MDGA2: variants seen among roughly 807,000 people sequenced by gnomAD.
MDGA2 encodes MAM domain-containing glycosylphosphatidylinositol anchor protein 2.
Under a neutral mutation model 117.8 loss-of-function variants are expected in MDGA2, and 40 were observed. The observed-to-expected ratio is 0.34, with a 90% CI of 0.26 to 0.44. The LOEUF is 0.44. Among genes scored for constraint, MDGA2 ranks in the 20% least tolerant of loss-of-function variants. The pLI is 1.00. For missense variants in MDGA2, 1,123 were observed against 1,250.6 expected, an observed-to-expected ratio of 0.90 and a Z score of 1.54; for synonymous variants, 452 against 439.0, an observed-to-expected ratio of 1.03 and a Z score of -0.37.
At chr14:47,195,333 T>G (rs1233876965) in intron 3 of MDGA2, among the ~76,000 whole-genome samples, 2 of 151,960 alleles carry the variant, frequency 1.3e-5, no homozygotes, top group African/African-American at 4.8e-5. Flanking sequence ...ATAGAGAAAA[T>G]ATTCTCAAAT....
At position 47,361,231 on chromosome 14, in the gene MDGA2, C is replaced by G. The variant is rs555325279; in HGVS notation, c.281-59681G>C. Among the ~76,000 whole-genome samples, 423 of 86,300 alleles carry G rather than the reference C, an allele frequency of 4.9e-3. 4 individuals are homozygous for G. Among genetic ancestry groups the G allele is most frequent in the Middle Eastern group, 0.023 (4 of 176 alleles). The allele number at this position is 86,300 out of a possible 152,430, so 56.6% of individuals were successfully genotyped here. ...TCTATATATATATATATATATATGGCAGTAGTAATTACAACACACAAATAA... is the reference window on the plus strand; with the variant it reads ...TCTATATATATATATATATATATGGGAGTAGTAATTACAACACACAAATAA... On this transcript the variant is annotated intron_variant, in intron 1 of 16. Transcript: ENST00000399232.
At chr14:47,389,457 T>G (rs1891838799) in intron 1 of MDGA2, among the ~76,000 whole-genome samples, 1 of 152,190 alleles carries the variant, frequency 6.6e-6, no homozygotes, top group Non-Finnish European at 1.5e-5. Context: ...ACATGTAGAA[T>G]ACTTATTTTT....
chr14:46,855,942 CATT>C lies in MDGA2; in HGVS notation c.2753-791_2753-789del, dbSNP rs1438303004. On this transcript the variant is annotated intron_variant, in intron 14 of 16. Coordinates refer to ENST00000399232, the MANE Select transcript of MDGA2 (RefSeq NM_001113498.3). The surrounding 1 kb of genome is among the most constrained non-coding windows in gnomAD (Gnocchi z 4.1). Reference sequence around the variant, plus strand: ...AATAAAATGAAGATAGCTTTTATCTCATTATTTGATATCTCTCTTTCAATAGTT... The same window carrying C: ...AATAAAATGAAGATAGCTTTTATCTCATTTGATATCTCTCTTTCAATAGTT... Among the ~76,000 whole-genome samples the C allele has an allele frequency of 2.0e-5, 3 of 151,970 alleles. No homozygotes were observed. Among genetic ancestry groups the C allele is most frequent in the Non-Finnish European group, 2.9e-5 (2 of 67,966 alleles).
At chr14:47,084,966 T>C (rs1251104614) in intron 6 of MDGA2, among the ~76,000 whole-genome samples, 1 of 151,892 alleles carries the variant, frequency 6.6e-6, no homozygotes, top group African/African-American at 2.4e-5. Flanking sequence ...TAAATTCTGA[T>C]CAAAATGAAA....
At chr14:47,425,302 T>C (rs1036646542) in intron 1 of MDGA2, among the ~76,000 whole-genome samples, 6 of 152,156 alleles carry the variant, frequency 3.9e-5, no homozygotes, top group Non-Finnish European at 8.8e-5. Flanking sequence ...TAAATATTAG[T>C]GCACACATCG....
intron 1 of MDGA2, among the ~76,000 whole-genome samples, chr14:47,378,201 C>A (rs2138410391): frequency 1.3e-5 from 2 of 152,306 alleles, no homozygotes; most frequent in South Asian, 4.1e-4. Flanking sequence ...ACCAAAACCC[C>A]ATCTGTACAT....
At chr14:46,979,317 C>T (rs962914033) in intron 8 of MDGA2, among the ~76,000 whole-genome samples, 5 of 152,224 alleles carry the variant, frequency 3.3e-5, no homozygotes, top group Non-Finnish European at 1.5e-5. Context: ...AAGCCTTCCT[C>T]TTCCCTGAGA....
At chr14:47,596,957 T>A (rs1350461596) in intron 1 of MDGA2, among the ~76,000 whole-genome samples, 1 of 152,180 alleles carries the variant, frequency 6.6e-6, no homozygotes, top group Non-Finnish European at 1.5e-5. Context: ...GTAAGAGCCC[T>A]GCTCTGCCTT....
At chr14:47,468,566 G>A (rs113122613) in intron 1 of MDGA2, among the ~76,000 whole-genome samples, 2 of 152,046 alleles carry the variant, frequency 1.3e-5, no homozygotes, top group Admixed American at 6.6e-5. Context: ...AATTCTAAAC[G>A]ACACTTAATA....
intron 1 of MDGA2, among the ~76,000 whole-genome samples, chr14:47,631,445 A>AAG (rs1242095841): frequency 6.6e-6 from 1 of 152,164 alleles, no homozygotes; most frequent in Non-Finnish European, 1.5e-5. Flanking sequence ...TATTTTTTAA[A>AAG]ACAAAAACGA....
intron 3 of MDGA2, among the ~76,000 whole-genome samples, chr14:47,199,032 T>C (rs949560682): frequency 2.0e-5 from 3 of 152,088 alleles, no homozygotes; most frequent in Non-Finnish European, 4.4e-5. Flanking sequence ...TCTGCCTAAG[T>C]TTCCATCCTG....
intron 3 of MDGA2, among the ~76,000 whole-genome samples, chr14:47,157,617 G>C (rs1883447944): frequency 6.6e-6 from 1 of 151,320 alleles, no homozygotes; most frequent in Non-Finnish European, 1.5e-5. Context: ...GTGTGTGTGT[G>C]TGTGTGTGTG....
intron 1 of MDGA2, among the ~76,000 whole-genome samples, chr14:47,484,500 G>A (rs919435295): frequency 2.0e-5 from 3 of 152,168 alleles, no homozygotes; most frequent in Non-Finnish European, 2.9e-5. Context: ...TTCACTAACT[G>A]AAGATTTTCT....
At chr14:47,643,058 A>T (rs955951490) in intron 1 of MDGA2, among the ~76,000 whole-genome samples, 3 of 152,078 alleles carry the variant, frequency 2.0e-5, no homozygotes, top group Non-Finnish European at 4.4e-5. Context: ...ACCACTATGT[A>T]AGCATTCGCT....
chr14:47,343,883 T>A (rs1394954782), intron 1 of MDGA2, among the ~76,000 whole-genome samples: 1 of 152,126 alleles, frequency 6.6e-6, no homozygotes, highest in Non-Finnish European at 1.5e-5. Flanking sequence ...TAGCCATATG[T>A]CCCTGAAAAC....
At chr14:47,225,382 T>C (rs1007896571) in intron 2 of MDGA2, among the ~76,000 whole-genome samples, 3 of 151,674 alleles carry the variant, frequency 2.0e-5, no homozygotes, top group Admixed American at 2.0e-4. Flanking sequence ...TGCGGCACTA[T>C]TCACAATAGC....
chr14:47,567,663 C>A (rs1277444311), intron 1 of MDGA2, among the ~76,000 whole-genome samples: 1 of 152,142 alleles, frequency 6.6e-6, no homozygotes, highest in Non-Finnish European at 1.5e-5. Context: ...TTTGCTTGAC[C>A]CAGAAAATGC....
chr14:47,054,019 T>A (rs140296305), intron 7 of MDGA2, among the ~76,000 whole-genome samples: 7 of 152,090 alleles, frequency 4.6e-5, no homozygotes, highest in African/African-American at 1.7e-4. Flanking sequence ...CTGCCTGATA[T>A]CAATCAGGCT....
At chr14:47,399,568 T>C (rs757640744) in intron 1 of MDGA2, among the ~76,000 whole-genome samples, 13 of 152,162 alleles carry the variant, frequency 8.5e-5, no homozygotes, top group African/African-American at 1.2e-4. Context: ...ACACCCTGCA[T>C]AGCATGGCAT....
Sources: allele counts gnomAD v4.1 joint callset (sites outside exome capture counted in the v4.1 genomes callset), GRCh38; gene constraint gnomAD v4.1.1; non-coding constraint Gnocchi (gnomAD v3.1); transcripts MANE v1.5; gene names NCBI Gene and HGNC (gene_info 2026-07-23, HGNC 2026-07-21).